Variants in KATNAL1 observed in about 807,000 individuals in gnomAD.
KATNAL1 encodes katanin catalytic subunit A1 like 1.
In KATNAL1, 32 loss-of-function variants were observed where a neutral mutation model predicts 55.2. The ratio of observed to expected loss-of-function variants is 0.58; its 90% confidence interval spans 0.44 to 0.78. The LOEUF (loss-of-function observed/expected upper bound fraction) is 0.78, where lower values mean the gene tolerates loss of function less well. Ranked by LOEUF, KATNAL1 falls within the 30% of genes least tolerant of loss-of-function variation. The probability of loss-of-function intolerance (pLI) is 0.00; values close to 1 mark genes in which losing one functional copy is unlikely to be tolerated. For synonymous variants in KATNAL1, 193 were observed against 193.6 expected (o/e 1.00, Z 0.02); for missense variants, 466 against 600.9 (o/e 0.78, Z 2.35).
At chr13:30,258,895 C>G (rs1308273696) in intron 3 of KATNAL1, among the ~76,000 whole-genome samples, 4 of 152,108 alleles carry the variant, frequency 2.6e-5, no homozygotes, top group African/African-American at 7.2e-5. Flanking sequence ...AGGATAACTT[C>G]TGGTTCTAAA....
At chr13:30,268,690 GAA>G (rs1236384683) in intron 3 of KATNAL1, among the ~76,000 whole-genome samples, 1 of 152,116 alleles carries the variant, frequency 6.6e-6, no homozygotes, top group African/African-American at 2.4e-5. Flanking sequence ...GATATTTTGA[GAA>G]AAGAACTGTT....
chr13:30,302,992 T>C (rs992261488), intron 1 of KATNAL1, among the ~76,000 whole-genome samples: 5 of 152,174 alleles, frequency 3.3e-5, no homozygotes, highest in African/African-American at 1.2e-4. Context: ...TACTGAGATA[T>C]GATTAAAAAC....
chr13:30,242,099 G>T (rs942281446), intron 4 of KATNAL1, among the ~76,000 whole-genome samples: 2 of 152,082 alleles, frequency 1.3e-5, no homozygotes, highest in African/African-American at 4.8e-5. Flanking sequence ...TTATAGTACA[G>T]ATAGGCCAAG....
intron 1 of KATNAL1, among the ~76,000 whole-genome samples, chr13:30,303,592 C>T (rs1882996325): frequency 1.3e-5 from 2 of 152,148 alleles, no homozygotes; most frequent in African/African-American, 2.4e-5. Context: ...ATGAAATACT[C>T]TTGAGCACAT....
rs1474117194 is a variant in KATNAL1 at position 30,204,123 on chromosome 13, G to A, written c.*4417C>T. 2 of 152,080 alleles carry A rather than the reference G, an allele frequency of 1.3e-5. No homozygotes were observed. Among genetic ancestry groups the A allele is most frequent in the East Asian group, 1.9e-4 (1 of 5,180 alleles). 9.4% of individuals were successfully genotyped at this position (152,080 alleles called of 1,614,324 possible). A position where few individuals can be genotyped will look rare whatever the true frequency, so the allele number is the denominator to read the frequency against. On this transcript the variant is annotated 3_prime_UTR_variant, in exon 11 of 11. Transcript: ENST00000380615. ...ATATTACGTGCATCACAAATTAAGT[G>A]GTTTCTTTAAAATATACAATCAAAA... is the stretch of plus-strand genomic sequence containing the variant.
intron 3 of KATNAL1, among the ~76,000 whole-genome samples, chr13:30,274,894 C>CGCGCGCGCGTGCGCGCGCGCGCGT (rs1555265594): frequency 1.1e-5 from 1 of 93,280 alleles, no homozygotes; most frequent in African/African-American, 5.2e-5. Flanking sequence ...CACACATACG[C>CGCGCGCGCGTGCGCGCGCGCGCGT]GCGCGCGCGC....
Position 30,231,366 on chromosome 13 carries a change from G to A in KATNAL1, c.833C>T (p.Thr278Ile). The change falls in exon 7 of 11, where the codon ACA becomes ATA. Residue 278 changes from threonine (T) to isoleucine (I), a missense_variant. Physicochemically the swap from Thr to Ile is moderately conservative, Grantham distance 89. Transcript: ENST00000380615. ...TFFNVSSSTL[T>I]SKYRGESEKL... Reference sequence around the variant, plus strand: ...CTCAGATTCACCTCTGTATTTAGATGTCAGTGTAGAAGACGAAACGTTGAA... The same window carrying A: ...CTCAGATTCACCTCTGTATTTAGATATCAGTGTAGAAGACGAAACGTTGAA... 5.0e-6 allele frequency: 8 copies of A among 1,609,476 alleles called. No individual in the cohort carries two copies. The highest frequency in any genetic ancestry group is 6.8e-6 in the Non-Finnish European group (8 of 1,177,780).
chr13:30,218,689 G>A (rs1037327738), intron 9 of KATNAL1, among the ~76,000 whole-genome samples: 1 of 152,090 alleles, frequency 6.6e-6, no homozygotes, highest in African/African-American at 2.4e-5. Flanking sequence ...CTTATCCAGT[G>A]GAACAATCAC....
chr13:30,248,781 C>T (rs1878023916), intron 4 of KATNAL1, among the ~76,000 whole-genome samples: 1 of 152,136 alleles, frequency 6.6e-6, no homozygotes, highest in African/African-American at 2.4e-5. Context: ...AAAAATTGGC[C>T]AGGTGCGGGG....
At chr13:30,277,183 A>T (rs959653522) in intron 3 of KATNAL1, among the ~76,000 whole-genome samples, 2 of 152,208 alleles carry the variant, frequency 1.3e-5, no homozygotes, top group Admixed American at 1.3e-4. Flanking sequence ...AAATAAAATG[A>T]CTTGTTTTAT....
Position 30,231,431 on chromosome 13 carries a change from C to G in KATNAL1, c.768G>C (p.Met256Ile). Residue 256 changes from methionine (M) to isoleucine (I), a missense_variant, in exon 7 of 11, where the codon ATG (methionine) becomes ATC (isoleucine). By Grantham distance (10) the Met-to-Ile change is conservative (BLOSUM62 1). Around this residue, in one of 3 missense-constraint regions of KATNAL1, gnomAD observed 213 missense variants for 308.6 expected, o/e 0.69. Transcript: ENST00000380615. ...MVGPPGTGKT[M>I]LAKAVATECG... ...ATTCAGTGGCAACAGCTTTAGCTAG[C>G]ATAGTTTTACCAGTGCCTGGGGGTC... is the stretch of plus-strand genomic sequence containing the variant. 1 of 1,595,600 alleles carries G rather than the reference C, an allele frequency of 6.3e-7. No homozygotes were observed. The highest frequency in any genetic ancestry group is 8.5e-7 in the Non-Finnish European group (1 of 1,171,182).
intron 3 of KATNAL1, among the ~76,000 whole-genome samples, chr13:30,268,275 A>T (rs1879936781): frequency 1.3e-5 from 2 of 152,234 alleles, no homozygotes; most frequent in South Asian, 4.1e-4. Flanking sequence ...CTGAAGAAAC[A>T]TTCTCAACTT....
chr13:30,303,427 T>C (rs1397048487), intron 1 of KATNAL1, among the ~76,000 whole-genome samples: 1 of 152,156 alleles, frequency 6.6e-6, no homozygotes, highest in Non-Finnish European at 1.5e-5. Flanking sequence ...TTGAGCCGGG[T>C]GTGGCCACAT....
rs1001735548 is a variant in KATNAL1, at chr13:30,288,676, G to A, written c.-14-4885C>T. 3.9e-5 allele frequency among the ~76,000 whole-genome samples: 6 copies of A among 152,158 alleles called. No individual in the cohort carries two copies. In the South Asian group the frequency reaches 8.3e-4, roughly 21 times the overall value. On this transcript the variant is annotated intron_variant, in intron 1 of 10. Transcript: ENST00000380615. ...AAATTGATTTCTAAAGCCATTCAGC[G>A]TTCAATATTCAGATTGACAGCAGTT...
chr13:30,288,070 T>C (rs1881908783), intron 1 of KATNAL1, among the ~76,000 whole-genome samples: 1 of 152,192 alleles, frequency 6.6e-6, no homozygotes, highest in African/African-American at 2.4e-5. Flanking sequence ...TTTCACTTAG[T>C]TGGGATTCAA....
Position 30,204,677 on chromosome 13 carries a change from G to T in KATNAL1, c.*3863C>A, listed in dbSNP as rs1440244299. On this transcript the variant is annotated 3_prime_UTR_variant, in exon 11 of 11. Coordinates refer to ENST00000380615, the MANE Select transcript of KATNAL1 (RefSeq NM_032116.5). ...ACACACATTTTCCCCTGATGTATGT[G>T]TATGACTGTCCATAGATTCACCAGG... 2.0e-5 allele frequency: 3 copies of T among 152,154 alleles called. No homozygotes were observed. The highest frequency in any genetic ancestry group is 7.2e-5 in the African/African-American group (3 of 41,450). 9.4% of individuals were successfully genotyped at this position (152,154 alleles called of 1,614,324 possible).
chr13:30,275,881 C>A (rs1206774177), intron 3 of KATNAL1, among the ~76,000 whole-genome samples: 1 of 151,740 alleles, frequency 6.6e-6, no homozygotes, highest in Non-Finnish European at 1.5e-5. Flanking sequence ...GAAAAAAGGA[C>A]CTACCATATT....
chr13:30,253,491 G>A (rs911389059), intron 4 of KATNAL1, among the ~76,000 whole-genome samples: 25 of 151,824 alleles, frequency 1.6e-4, no homozygotes, highest in African/African-American at 5.8e-4. Context: ...GTGAAACAAC[G>A]CCTCCACTAA....
At chr13:30,268,078 G>T (rs571182201) in intron 3 of KATNAL1, among the ~76,000 whole-genome samples, 1 of 152,300 alleles carries the variant, frequency 6.6e-6, no homozygotes, top group South Asian at 2.1e-4. Flanking sequence ...AGATATAGTA[G>T]CAAAGGGCCC....
Sources: allele counts gnomAD v4.1 joint callset (sites outside exome capture counted in the v4.1 genomes callset), GRCh38; gene constraint gnomAD v4.1.1; regional missense constraint gnomAD v4.1.1; transcripts MANE v1.5; gene names NCBI Gene and HGNC (gene_info 2026-07-23, HGNC 2026-07-21).